The following SHISA9 variants were observed in gnomAD, a reference collection of about 807,000 sequenced individuals.
The protein encoded by SHISA9 is protein shisa-9.
SHISA9 carries 13 observed loss-of-function variants against 38.0 expected under a neutral mutation model. That is an observed-to-expected ratio of 0.34 (90% CI 0.22 to 0.54). The LOEUF is 0.54. Among genes scored for constraint, SHISA9 ranks in the 20% least tolerant of loss-of-function variants. The pLI, the probability that SHISA9 is intolerant of heterozygous loss-of-function variation, is 0.91. For missense variants in SHISA9, 538 were observed against 575.8 expected, an observed-to-expected ratio of 0.93 and a Z score of 0.67; for synonymous variants, 275 against 242.0, an observed-to-expected ratio of 1.14 and a Z score of -1.27.
downstream of SHISA9, among the ~76,000 whole-genome samples, chr16:13,241,929 TAGAAC>T (rs1397536048): frequency 6.6e-6 from 1 of 152,136 alleles, no homozygotes; most frequent in Non-Finnish European, 1.5e-5. Flanking sequence ...AATGTAGTCA[TAGAAC>T]AGAGAATTAC....
intron 2 of SHISA9, among the ~76,000 whole-genome samples, chr16:13,122,483 T>C (rs1283986288): frequency 1.3e-5 from 2 of 152,176 alleles, no homozygotes; most frequent in African/African-American, 2.4e-5. Context: ...AAAGAGAAGC[T>C]CCTAAGATGT....
chr16:13,273,878 C>G, the SHISA9 span, among the ~76,000 whole-genome samples: 1 of 152,136 alleles, frequency 6.6e-6, no homozygotes, highest in Non-Finnish European at 1.5e-5. Context: ...ACCCATGTAT[C>G]TGGAATCGGA....
intron 4 of SHISA9, among the ~76,000 whole-genome samples, chr16:13,221,169 C>T (rs868852456): frequency 1.3e-5 from 2 of 152,154 alleles, no homozygotes; most frequent in South Asian, 2.1e-4. Context: ...TATGGTGCCC[C>T]GTGGGGAGGG....
chr16:13,178,102 G>A (rs2050747007), intron 2 of SHISA9, among the ~76,000 whole-genome samples: 1 of 152,200 alleles, frequency 6.6e-6, no homozygotes, highest in Non-Finnish European at 1.5e-5. Flanking sequence ...CTTTAAAGAA[G>A]AGAAGGTGCT....
the SHISA9 span, among the ~76,000 whole-genome samples, chr16:13,333,884 C>G: frequency 1.3e-5 from 2 of 152,166 alleles, no homozygotes; most frequent in African/African-American, 4.8e-5. Flanking sequence ...AACCTTGTTA[C>G]AAAGGATAGC....
chr16:13,473,349 CTTTT>C, the SHISA9 span, among the ~76,000 whole-genome samples: 4 of 73,906 alleles, frequency 5.4e-5, no homozygotes, highest in East Asian at 4.0e-4. Flanking sequence ...TTCTTTCTTT[CTTTT>C]TTTTTTTTTT....
At chr16:13,094,796 A>G (rs1215511786) in intron 2 of SHISA9, among the ~76,000 whole-genome samples, 1 of 152,180 alleles carries the variant, frequency 6.6e-6, no homozygotes, top group Non-Finnish European at 1.5e-5. Context: ...CTGGGGTTGA[A>G]TTCAAGTTTT....
chr16:13,171,490 G>A (rs2050686192), intron 2 of SHISA9, among the ~76,000 whole-genome samples: 1 of 148,066 alleles, frequency 6.8e-6, no homozygotes, highest in African/African-American at 2.4e-5. Flanking sequence ...CAGGGGGCGG[G>A]GGTGGGGGCG....
chr16:13,442,928 C>T, the SHISA9 span, among the ~76,000 whole-genome samples: 1 of 152,114 alleles, frequency 6.6e-6, no homozygotes, highest in East Asian at 1.9e-4. Flanking sequence ...ACAAGCTGCT[C>T]AAAACAAAAT....
At chr16:13,027,870 T>A (rs574696646) in intron 2 of SHISA9, among the ~76,000 whole-genome samples, 7 of 133,836 alleles carry the variant, frequency 5.2e-5, no homozygotes, top group African/African-American at 2.0e-4. Context: ...GAGGTTGTAG[T>A]GAGCCGAGAC....
the SHISA9 span, among the ~76,000 whole-genome samples, chr16:13,437,227 A>T: frequency 3.3e-5 from 5 of 152,158 alleles, no homozygotes; most frequent in Non-Finnish European, 5.9e-5. Context: ...TCATGGAAAC[A>T]TCTGGGGGGA....
the SHISA9 span, among the ~76,000 whole-genome samples, chr16:13,355,646 C>T: frequency 6.6e-6 from 1 of 152,018 alleles, no homozygotes; most frequent in African/African-American, 2.4e-5. Flanking sequence ...GAAGCCTGGC[C>T]ATCAATACCC....
chr16:13,369,623 C>T, the SHISA9 span, among the ~76,000 whole-genome samples: 1 of 151,826 alleles, frequency 6.6e-6, no homozygotes, highest in African/African-American at 2.4e-5. Flanking sequence ...TTCTCGGTGT[C>T]CACTGATGGG....
At chr16:13,366,436 T>C in the SHISA9 span, among the ~76,000 whole-genome samples, 4 of 152,236 alleles carry the variant, frequency 2.6e-5, no homozygotes, top group Non-Finnish European at 2.9e-5. Flanking sequence ...AGGATCTTGT[T>C]GAAACACAGA....
At chr16:13,044,313 G>T (rs902874581) in intron 2 of SHISA9, among the ~76,000 whole-genome samples, 2 of 152,210 alleles carry the variant, frequency 1.3e-5, no homozygotes, top group African/African-American at 4.8e-5. Context: ...TGGTAGGAAG[G>T]ACTTGGATTT....
At chr16:13,142,207 A>G (rs2050407867) in intron 2 of SHISA9, among the ~76,000 whole-genome samples, 1 of 152,162 alleles carries the variant, frequency 6.6e-6, no homozygotes, top group Non-Finnish European at 1.5e-5. Flanking sequence ...GAGTCTAGAA[A>G]TCATTCTAAT....
chr16:13,325,260 C>T, the SHISA9 span, among the ~76,000 whole-genome samples: 2 of 152,132 alleles, frequency 1.3e-5, no homozygotes, highest in African/African-American at 4.8e-5. Flanking sequence ...TGCTACCTGT[C>T]GTGTGTCATG....
the SHISA9 span, among the ~76,000 whole-genome samples, chr16:13,250,121 A>C: frequency 6.6e-6 from 1 of 152,128 alleles, no homozygotes; most frequent in South Asian, 2.1e-4. Context: ...CTAATCTGCT[A>C]CCCTTTCAAG....
At chr16:13,293,059 G>C in the SHISA9 span, among the ~76,000 whole-genome samples, 1 of 151,912 alleles carries the variant, frequency 6.6e-6, no homozygotes, top group African/African-American at 2.4e-5. Context: ...TGTTTCTCTT[G>C]GCTACTGTAT....
Sources: gnomAD v4.1 joint callset for allele counts (sites outside exome capture counted in the v4.1 genomes callset) on GRCh38, gnomAD v4.1.1 for gene constraint, MANE v1.5 for transcripts, NCBI Gene and HGNC (gene_info 2026-07-23, HGNC 2026-07-21) for gene names.